POLI: variants seen among roughly 807,000 people sequenced by gnomAD.
POLI encodes RAD30 homolog B.
In POLI, 58 loss-of-function variants were observed where a neutral mutation model predicts 51.6. The observed-to-expected ratio is 1.12, with a 90% confidence interval of 0.91 to 1.40. POLI has a LOEUF of 1.40. Among genes scored for constraint, POLI ranks in the 40% most tolerant of loss-of-function variants. The pLI is 0.00. For missense variants in POLI, 921 were observed against 871.3 expected (o/e 1.06, Z -0.72); for synonymous variants, 322 against 299.7 (o/e 1.07, Z -0.77).
chr18:54,297,072 A>C lies in POLI; in HGVS notation c.*2605A>C, dbSNP rs117701410. The stretch of plus-strand genomic sequence containing the variant: ...TGGTACAAACTCCTTGGCATACTCT[A>C]TTCACCTTTGTGGATCCTGATTGAA... On this transcript the variant is annotated 3_prime_UTR_variant, in exon 10 of 10. Transcript: ENST00000579534. 7.1e-6 allele frequency: 7 copies of C among 985,336 alleles called. No individual in the cohort carries two copies. Among genetic ancestry groups the C allele is most frequent in the Non-Finnish European group, 8.4e-6 (7 of 829,894 alleles). The allele number at this position is 985,336 out of a possible 1,614,324, so 61.0% of individuals were successfully genotyped here.
intron 1 of POLI, chr18:54,269,946 C>T (rs2086927448): frequency 8.5e-7 from 1 of 1,175,690 alleles, no homozygotes; most frequent in Non-Finnish European, 1.1e-6. Flanking sequence ...GGCGGGAATC[C>T]CTCAGCCAGC....
Position 54,269,610 on chromosome 18 carries a change from G to T in POLI, c.64G>T (p.Glu22Ter). 4 of 1,502,712 alleles carry T rather than the reference G, an allele frequency of 2.7e-6. No homozygotes were observed. The highest frequency in any genetic ancestry group is 3.5e-6 in the Non-Finnish European group (4 of 1,130,030). The allele number at this position is 1,502,712 out of a possible 1,614,324, so 93.1% of individuals were successfully genotyped here. Residue 22 changes from glutamate (E) to a stop codon, truncating the protein, a stop_gained, in exon 1 of 10, where the codon GAG (glutamate) becomes TAG (stop). Coordinates refer to ENST00000579534, the MANE Select transcript of POLI (RefSeq NM_007195.3). LOFTEE classifies it high-confidence loss of function. ...CGGCGACGACGACGAGGAAGACGCC[G>T]AGGCCTGGGCCATGGAACTGGCGGA... ...GGGDDDEEDA[E>*]AWAMELADVG...
Position 54,297,999 on chromosome 18 carries a change from C to T in POLI, c.*3532C>T, listed in dbSNP as rs2088416315. On this transcript the variant is annotated 3_prime_UTR_variant, in exon 10 of 10. Coordinates refer to ENST00000579534, the MANE Select transcript of POLI (RefSeq NM_007195.3). ...AGCTGTTCTAAGATAATATCTTTTA[C>T]TTTGGAGATACGCAGTTTTTATTAT... The T allele has an allele frequency of 1.0e-6, 1 of 979,750 alleles. No individual in the cohort carries two copies. Among genetic ancestry groups the T allele is most frequent in the African/African-American group, 1.8e-5 (1 of 57,050 alleles). The allele number at this position is 979,750 out of a possible 1,614,324, so 60.7% of individuals were successfully genotyped here. A position where few individuals can be genotyped will look rare whatever the true frequency, so the allele number is the denominator to read the frequency against.
chr18:54,283,062 T>A, intron 6 of POLI, 47 bp downstream of exon 6: 1 of 1,235,794 alleles, frequency 8.1e-7, no homozygotes, highest in Non-Finnish European at 1.1e-6. Context: ...ATCACATTAT[T>A]TGAGATAAAG....
chr18:54,270,516 A>G (rs1389629424), intron 1 of POLI: 2 of 152,206 alleles, frequency 1.3e-5, no homozygotes, highest in African/African-American at 4.8e-5. Flanking sequence ...AGATCCCCCT[A>G]GTGTTAACAT....
chr18:54,269,849 G>C (rs1599143517), intron 1 of POLI, 188 bp downstream of exon 1: 1 of 1,339,132 alleles, frequency 7.5e-7, no homozygotes, highest in East Asian at 3.1e-5. Context: ...GCTTCACCCA[G>C]CAGGAGTAGG....
chr18:54,295,996 A>C lies in POLI; in HGVS notation c.*1529A>C. On this transcript the variant is annotated 3_prime_UTR_variant, in exon 10 of 10. Coordinates refer to ENST00000579534, the MANE Select transcript of POLI (RefSeq NM_007195.3). ...AAAATATGCTAACACGAAGGATTGT[A>C]AATAGGTAGTTTGAGGTTATCAGGA... 1.0e-6 allele frequency: 1 copy of C among 984,914 alleles called. No individual in the cohort carries two copies. Among genetic ancestry groups the C allele is most frequent in the Non-Finnish European group, 1.2e-6 (1 of 829,478 alleles). The allele number at this position is 984,914 out of a possible 1,614,324, so 61.0% of individuals were successfully genotyped here.
At chr18:54,285,860 T>C (rs914892306) in intron 7 of POLI, among the ~76,000 whole-genome samples, 16 of 152,236 alleles carry the variant, frequency 1.1e-4, no homozygotes, top group African/African-American at 3.4e-4. Context: ...AATTATTTAC[T>C]ACAGAACTAT....
chr18:54,305,114 G>T (rs568461019), intron 3 of POLI, among the ~76,000 whole-genome samples: 114 of 152,270 alleles, frequency 7.5e-4, no homozygotes, highest in African/African-American at 2.6e-3. Flanking sequence ...CTGTTCCATT[G>T]TTCTGTATCT....
rs1238140577 is a variant in POLI at position 54,296,178 on chromosome 18, A to G, written c.*1711A>G. 1 of 984,352 alleles carries G rather than the reference A, an allele frequency of 1.0e-6. No individual in the cohort carries two copies. Among genetic ancestry groups the G allele is most frequent in the African/African-American group, 1.7e-5 (1 of 57,220 alleles). The allele number at this position is 984,352 out of a possible 1,614,324, so 61.0% of individuals were successfully genotyped here. A position where few individuals can be genotyped will look rare whatever the true frequency, so the allele number is the denominator to read the frequency against. ...TTTTTGTAAATCATTAAAACATTTTATAGTCCTTGTAATGATTTCAGGACC... is the reference window on the plus strand; with the variant it reads ...TTTTTGTAAATCATTAAAACATTTTGTAGTCCTTGTAATGATTTCAGGACC... On this transcript the variant is annotated 3_prime_UTR_variant, in exon 10 of 10. Transcript: ENST00000579534.
In POLI at chr18:54,293,695, C is replaced by G; in HGVS notation, c.1451C>G (p.Thr484Arg). 6.3e-7 allele frequency: 1 copy of G among 1,594,120 alleles called. No homozygotes were observed. Among genetic ancestry groups the G allele is most frequent in the Non-Finnish European group, 8.5e-7 (1 of 1,172,662 alleles). The change falls in exon 10 of 10, where the codon ACA becomes AGA. Residue 484 changes from threonine (T) to arginine (R), a missense_variant. Thr to Arg is a moderately conservative substitution (Grantham distance 71, BLOSUM62 -1). Coordinates refer to ENST00000579534, the MANE Select transcript of POLI (RefSeq NM_007195.3). ...HMEDFPKDKE[T>R]NRDFLPSGRI... is the part of the protein sequence containing the mutation. ...GAAGATTTTCCCAAAGACAAAGAAA[C>G]AAACCGGGATTTCCTACCAAGTGGA...
At chr18:54,306,194 T>G (rs551994052) in intron 3 of POLI, among the ~76,000 whole-genome samples, 1 of 152,366 alleles carries the variant, frequency 6.6e-6, no homozygotes, top group East Asian at 1.9e-4. Context: ...CCATTCAGTA[T>G]GATATTGGCT....
chr18:54,272,158 G>T (rs1408677488), intron 2 of POLI: 5 of 152,112 alleles, frequency 3.3e-5, no homozygotes, highest in Admixed American at 2.6e-4. Context: ...CTACCCTCTT[G>T]TGCCCACTTT....
chr18:54,299,727 A>C, downstream of POLI, among the ~76,000 whole-genome samples: 1 of 152,118 alleles, frequency 6.6e-6, no homozygotes, highest in East Asian at 1.9e-4. Flanking sequence ...CAATGGAGAA[A>C]TTTTTCCAAA....
At chr18:54,286,741 C>T (rs1336335758) in intron 7 of POLI, among the ~76,000 whole-genome samples, 1 of 151,890 alleles carries the variant, frequency 6.6e-6, no homozygotes, top group African/African-American at 2.4e-5. Flanking sequence ...GTCAGGAGTT[C>T]GAGACCAGCC....
Position 54,297,048 on chromosome 18 carries a change from G to A in POLI, c.*2581G>A. On this transcript the variant is annotated 3_prime_UTR_variant, in exon 10 of 10. Coordinates refer to ENST00000579534, the MANE Select transcript of POLI (RefSeq NM_007195.3). ...AGTTCGTTGCTTCTCTGGGTGAGGT[G>A]GTACAAACTCCTTGGCATACTCTAT... 1 of 985,330 alleles carries A rather than the reference G, an allele frequency of 1.0e-6. No homozygotes were observed. The highest frequency in any genetic ancestry group is 1.2e-6 in the Non-Finnish European group (1 of 829,904). The allele number at this position is 985,330 out of a possible 1,614,324, so 61.0% of individuals were successfully genotyped here. A position where few individuals can be genotyped will look rare whatever the true frequency, so the allele number is the denominator to read the frequency against.
chr18:54,313,637 T>C (rs2088697730), intron 3 of POLI, among the ~76,000 whole-genome samples: 1 of 152,190 alleles, frequency 6.6e-6, no homozygotes, highest in Non-Finnish European at 1.5e-5. Flanking sequence ...CTTTGAACAG[T>C]GTTTTGTAAT....
chr18:54,297,140 C>T lies in POLI; in HGVS notation c.*2673C>T, dbSNP rs777252787. 15 of 985,334 alleles carry T rather than the reference C, an allele frequency of 1.5e-5. No homozygotes were observed. The highest frequency in any genetic ancestry group is 1.4e-4 in the South Asian group (3 of 21,280). The allele number at this position is 985,334 out of a possible 1,614,324, so 61.0% of individuals were successfully genotyped here. On this transcript the variant is annotated 3_prime_UTR_variant, in exon 10 of 10. Transcript: ENST00000579534. Reference sequence around the variant, plus strand: ...AAGCTCCCTGACCCTTACTACTAGCCGAAGGTTTTGTCTCTGCAGGTCAAT... The same window carrying T: ...AAGCTCCCTGACCCTTACTACTAGCTGAAGGTTTTGTCTCTGCAGGTCAAT...
Position 54,295,890 on chromosome 18 carries a change from G to A in POLI, c.*1423G>A, listed in dbSNP as rs1440103265. Reference sequence around the variant, plus strand: ...TGATCCTCCACCTTGGCCTCCCAAAGTGCTGGGATTACAGGTGTGAGCCAT... The same window carrying A: ...TGATCCTCCACCTTGGCCTCCCAAAATGCTGGGATTACAGGTGTGAGCCAT... On this transcript the variant is annotated 3_prime_UTR_variant, in exon 10 of 10. Transcript: ENST00000579534. 1.1e-6 allele frequency: 1 copy of A among 905,300 alleles called. No homozygotes were observed. The highest frequency in any genetic ancestry group is 1.3e-6 in the Non-Finnish European group (1 of 757,076). The allele number at this position is 905,300 out of a possible 1,614,324, so 56.1% of individuals were successfully genotyped here.
Sources: allele counts gnomAD v4.1 joint callset (sites outside exome capture counted in the v4.1 genomes callset), GRCh38; gene constraint gnomAD v4.1.1; transcripts MANE v1.5; gene names NCBI Gene and HGNC (gene_info 2026-07-23, HGNC 2026-07-21).